FKBP15: variants seen among roughly 807,000 people sequenced by gnomAD.
FKBP15 encodes FKBP prolyl isomerase family member 15, also known as FK506-binding protein 15.
FKBP15 carries 106 observed loss-of-function variants against 158.1 expected under a neutral mutation model. The observed-to-expected ratio is 0.67, with a 90% CI of 0.57 to 0.79. FKBP15 has a LOEUF of 0.79. Among genes scored for constraint, FKBP15 ranks in the 30% least tolerant of loss-of-function variants. The pLI, the probability that FKBP15 is intolerant of heterozygous loss-of-function variation, is 0.00. For synonymous variants in FKBP15, 547 were observed against 548.6 expected (o/e 1.00, Z 0.04); for missense variants, 1,287 against 1,479.1 (o/e 0.87, Z 2.13).
chr9:113,181,111 CT>C, intron 19 of FKBP15, among the ~76,000 whole-genome samples: 1 of 152,278 alleles, frequency 6.6e-6, no homozygotes, highest in African/African-American at 2.4e-5. Flanking sequence ...AAGAGATTCC[CT>C]AAAAAATTTG....
intron 2 of FKBP15, 51 bp from the exon 3 acceptor site, chr9:113,207,347 A>G (rs1275765490): frequency 1.4e-6 from 2 of 1,407,200 alleles, no homozygotes; most frequent in Non-Finnish European, 2.0e-6. Context: ...GCTTTAAACT[A>G]ATTTTTTTTA....
In FKBP15 at chr9:113,170,511, G is replaced by A. The variant is rs1031634706; in HGVS notation, c.2766+11C>T. 4.0e-5 allele frequency: 63 copies of A among 1,574,750 alleles called. No homozygotes were observed. Among genetic ancestry groups the A allele is most frequent in the Non-Finnish European group, 5.1e-5 (58 of 1,144,776 alleles). ...AATACGATGAAACAAATGACAGCTG[G>A]CTGGCTGTACCTTGATCGTATTCAT... On this transcript the variant is annotated intron_variant, in intron 25 of 27. Transcript: ENST00000238256.
In FKBP15 at chr9:113,178,684, T is replaced by C; in HGVS notation, c.2032A>G (p.Lys678Glu). ...ELQMQLTESL[K>E]ETDLLRGQLT... ...TGGCCCCTGAGAAGATCTGTCTCCTTCAGGCTTTCTGTCAGCTGCATCTGC... is the reference window on the plus strand; with the variant it reads ...TGGCCCCTGAGAAGATCTGTCTCCTCCAGGCTTTCTGTCAGCTGCATCTGC... The change falls in exon 20 of 28, where the codon AAG (lysine) becomes GAG (glutamate). Residue 678 changes from lysine to glutamate, a missense_variant. Lys to Glu is a moderately conservative substitution (Grantham distance 56). Transcript: ENST00000238256. The C allele has an allele frequency of 6.2e-7, 1 of 1,610,116 alleles. No homozygotes were observed. The highest frequency in any genetic ancestry group is 1.1e-5 in the South Asian group (1 of 89,916).
chr9:113,217,752 G>C (rs1049613640), intron 1 of FKBP15, among the ~76,000 whole-genome samples: 3 of 152,108 alleles, frequency 2.0e-5, no homozygotes, highest in African/African-American at 7.2e-5. Flanking sequence ...GAGGCAAGTG[G>C]ATTGCTTGAG....
chr9:113,199,576 T>C lies in FKBP15; in HGVS notation c.648+238A>G, dbSNP rs185589877. On this transcript the variant is annotated intron_variant, in intron 7 of 27. Coordinates refer to ENST00000238256, the MANE Select transcript of FKBP15 (RefSeq NM_015258.2). The stretch of plus-strand genomic sequence containing the variant: ...ACACATGAACAACTAGCAAAAATAA[T>C]AGTACTGGGGAAATTGGTTCCCACT... Among the ~76,000 whole-genome samples the C allele has an allele frequency of 5.6e-3, 857 of 152,226 alleles. 6 individuals are homozygous for C. Among genetic ancestry groups the C allele is most frequent in the Admixed American group, 0.016 (252 of 15,288 alleles).
chr9:113,218,377 T>TTTTATA (rs1346739916), intron 1 of FKBP15, among the ~76,000 whole-genome samples: 6 of 101,498 alleles, frequency 5.9e-5, no homozygotes, highest in South Asian at 3.1e-4. Flanking sequence ...GTAAATACAA[T>TTTTATA]TATATATATA....
chr9:113,174,284 G>T, intron 22 of FKBP15, 144 bp downstream of exon 22: 4 of 782,962 alleles, frequency 5.1e-6, no homozygotes, highest in Non-Finnish European at 7.9e-6. Flanking sequence ...CACATATCTG[G>T]ATTACTTTTT....
intron 1 of FKBP15, among the ~76,000 whole-genome samples, chr9:113,217,526 T>C (rs1161213370): frequency 6.6e-6 from 1 of 152,144 alleles, no homozygotes; most frequent in African/African-American, 2.4e-5. Flanking sequence ...TCTATTAATA[T>C]CTTTAATGGA....
intron 15 of FKBP15, among the ~76,000 whole-genome samples, chr9:113,185,860 A>G (rs1312220252): frequency 6.6e-6 from 1 of 152,196 alleles, no homozygotes; most frequent in Non-Finnish European, 1.5e-5. Flanking sequence ...ATAGTATTCA[A>G]CTTTCTCCCA....
intron 13 of FKBP15, 72 bp downstream of exon 13, chr9:113,188,317 T>C: frequency 8.6e-7 from 1 of 1,166,120 alleles, no homozygotes; most frequent in South Asian, 1.3e-5. Flanking sequence ...AGCCTAACAG[T>C]TTAAGGAACA....
Position 113,165,488 on chromosome 9 carries a change from A to C in FKBP15, c.*590T>G, listed in dbSNP as rs1162698059. ...CAAAAGAGCACAGACAGCCCTTGGA[A>C]CCAAACTCAATTTTTCTCCAAGGGC... On this transcript the variant is annotated 3_prime_UTR_variant, in exon 28 of 28. Coordinates refer to ENST00000238256, the MANE Select transcript of FKBP15 (RefSeq NM_015258.2). The C allele has an allele frequency of 6.6e-6, 1 of 152,272 alleles. No individual in the cohort carries two copies. Among genetic ancestry groups the C allele is most frequent in the East Asian group, 1.9e-4 (1 of 5,202 alleles). The allele number at this position is 152,272 out of a possible 1,614,324, so 9.4% of individuals were successfully genotyped here.
At chr9:113,203,655 G>T (rs1199665565) in intron 4 of FKBP15, among the ~76,000 whole-genome samples, 1 of 151,894 alleles carries the variant, frequency 6.6e-6, no homozygotes, top group Non-Finnish European at 1.5e-5. Flanking sequence ...AGGCTCCCGA[G>T]CAGCTGAGAC....
chr9:113,197,061 C>T lies in FKBP15; in HGVS notation c.735G>A (p.Met245Ile), dbSNP rs200426044. 1 of 1,613,850 alleles carries T rather than the reference C, an allele frequency of 6.2e-7. No homozygotes were observed. Among genetic ancestry groups the T allele is most frequent in the African/African-American group, 1.3e-5 (1 of 75,054 alleles). The change falls in exon 9 of 28, where the codon ATG (methionine) becomes ATA (isoleucine). Residue 245 changes from methionine (M) to isoleucine (I), a missense_variant. Coordinates refer to ENST00000238256, the MANE Select transcript of FKBP15 (RefSeq NM_015258.2). Reference sequence around the variant, plus strand: ...GCTTTCCTCCTTTTTTCATGCCCAGCATTCCATCCTCCCAGCCCTTTAAAA... The same window carrying T: ...GCTTTCCTCCTTTTTTCATGCCCAGTATTCCATCCTCCCAGCCCTTTAAAA... ...GKVIKGWEDG[M>I]LGMKKGGKRL... is the part of the protein sequence containing the mutation.
At chr9:113,193,952 ATC>A in intron 10 of FKBP15, 73 bp downstream of exon 10, 1 of 1,443,486 alleles carries the variant, frequency 6.9e-7, no homozygotes, top group Non-Finnish European at 9.2e-7. Flanking sequence ...TTTTAACTAT[ATC>A]TCTATTTCTG....
chr9:113,179,065 C>T (rs10817452), intron 19 of FKBP15, among the ~76,000 whole-genome samples: 29,043 of 151,444 alleles, frequency 0.19, 2,884 homozygotes, highest in Middle Eastern at 0.24. Context: ...GGGTCTCGCT[C>T]AGTCACCCAG....
At chr9:113,180,931 G>T (rs181400753) in intron 19 of FKBP15, among the ~76,000 whole-genome samples, 12 of 152,230 alleles carry the variant, frequency 7.9e-5, no homozygotes, top group Non-Finnish European at 1.3e-4. Flanking sequence ...TGCCTCCAGG[G>T]ACAAAAGGAC....
Position 113,190,561 on chromosome 9 carries a change from T to C in FKBP15, c.1083A>G (p.Lys361=), listed in dbSNP as rs1391803522. 1.9e-6 allele frequency: 3 copies of C among 1,610,430 alleles called. No homozygotes were observed. Among genetic ancestry groups the C allele is most frequent in the South Asian group, 2.2e-5 (2 of 90,144 alleles). The part of the protein sequence containing the change: ...LAINTSPDAV[K]AKLISRMAKM... ...TAGCCATCCGAGAGATCAACTTGGC[T>C]TTGACTGCATCGGGACTCTAAAAAG... The change falls in exon 12 of 28, where the codon AAA becomes AAG. Residue 361 remains lysine (K), a synonymous_variant. Coordinates refer to ENST00000238256, the MANE Select transcript of FKBP15 (RefSeq NM_015258.2).
At chr9:113,187,719 C>A in intron 14 of FKBP15, 74 bp downstream of exon 14, 1 of 1,215,896 alleles carries the variant, frequency 8.2e-7, no homozygotes, top group East Asian at 2.5e-5. Flanking sequence ...ATGAAATGTA[C>A]AGGAAGAAGA....
intron 6 of FKBP15, 121 bp from the exon 7 acceptor site, chr9:113,200,084 A>G: frequency 8.5e-7 from 1 of 1,170,028 alleles, no homozygotes; most frequent in African/African-American, 1.6e-5. Context: ...ACATGTTTAG[A>G]AGTAAACCAA....
Sources: gnomAD v4.1 joint callset for allele counts (sites outside exome capture counted in the v4.1 genomes callset) on GRCh38, gnomAD v4.1.1 for gene constraint, MANE v1.5 for transcripts, NCBI Gene and HGNC (gene_info 2026-07-23, HGNC 2026-07-21) for gene names.